Variants in TCF3 observed in about 807,000 individuals in gnomAD.
TCF3 encodes the protein transcription factor E2-alpha.
In TCF3, 54 loss-of-function variants were observed where a neutral mutation model predicts 72.3. That is an observed-to-expected ratio of 0.75 (90% CI 0.60 to 0.94). The LOEUF (loss-of-function observed/expected upper bound fraction) is 0.94, where lower values mean the gene tolerates loss of function less well. Ranked by LOEUF, TCF3 falls within the 40% of genes least tolerant of loss-of-function variation. The probability of loss-of-function intolerance (pLI) is 0.00; values close to 1 mark genes in which losing one functional copy is unlikely to be tolerated. For synonymous variants in TCF3, 525 were observed against 412.6 expected (o/e 1.27, Z -3.30); for missense variants, 1,078 against 934.4 (o/e 1.15, Z -2.00).
At chr19:1,645,077 T>TG (rs2065886239) in intron 3 of TCF3, among the ~76,000 whole-genome samples, 1 of 151,960 alleles carries the variant, frequency 6.6e-6, no homozygotes, top group African/African-American at 2.4e-5. Context: ...TGTGAGGCAG[T>TG]GGGGGCAGCA....
Position 1,622,187 on chromosome 19 carries a change from G to C in TCF3, c.689C>G (p.Pro230Arg), listed in dbSNP as rs1209615949. ...GGGCCCGAAGCCCGCCTGGCCCGGG[G>C]GACTCCAGAGCTCGGCTGAGGGGTG... Reference protein sequence around the residue: ...SLHPSAELWSPPGQAGFGPML... With the variant: ...SLHPSAELWSRPGQAGFGPML... Residue 230 changes from proline (P) to arginine (R), a missense_variant, in exon 10 of 19, where the codon CCC (proline) becomes CGC (arginine). Pro to Arg is a moderately radical substitution (Grantham distance 103, BLOSUM62 -2). Transcript: ENST00000262965. 13 of 1,566,762 alleles carry C rather than the reference G, an allele frequency of 8.3e-6. No homozygotes were observed. The highest frequency in any genetic ancestry group is 1.1e-5 in the Non-Finnish European group (13 of 1,158,572).
Position 1,614,475 on chromosome 19 carries a change from G to A in TCF3, c.1822+810C>T, listed in dbSNP as rs1399612797. 6.6e-6 allele frequency among the ~76,000 whole-genome samples: 1 copy of A among 152,212 alleles called. No homozygotes were observed. Among genetic ancestry groups the A allele is most frequent in the African/African-American group, 2.4e-5 (1 of 41,454 alleles). On this transcript the variant is annotated intron_variant, in intron 18 of 18. Coordinates refer to ENST00000262965, the MANE Select transcript of TCF3 (RefSeq NM_003200.5). This position sits in a 1 kb window ranked among gnomAD's most constrained non-coding sequence, Gnocchi z 5.6. ...GGACGGACGGGCGGGATGGAGGGGA[G>A]GGCGGAAGGCAGACAGCAGAGAGGC...
chr19:1,615,194 T>C lies in TCF3; in HGVS notation c.1822+91A>G. 6.9e-7 allele frequency: 1 copy of C among 1,455,050 alleles called. No individual in the cohort carries two copies. The highest frequency in any genetic ancestry group is 9.1e-7 in the Non-Finnish European group (1 of 1,097,394). The allele number at this position is 1,455,050 out of a possible 1,614,324, so 90.1% of individuals were successfully genotyped here. On this transcript the variant is annotated intron_variant, in intron 18 of 18. Transcript: ENST00000262965. This position sits in a 1 kb window ranked among gnomAD's most constrained non-coding sequence, Gnocchi z 7.3. ...CAACTGCTGCAGAGGGAGGGCTGGC[T>C]CCAGGAAGGCGGGCGGGGAAGGAGA...
chr19:1,650,683 C>T (rs2066882463), intron 1 of TCF3: 1 of 237,722 alleles, frequency 4.2e-6, no homozygotes, highest in African/African-American at 2.2e-5. Context: ...AGGCCCCCTA[C>T]CCCCGGGAAA....
At position 1,652,559 on chromosome 19, in the gene TCF3, C is replaced by A. The variant is rs1039321314; in HGVS notation, c.-299G>T. ...GCCCGCCGCCGCGTCGGCTCCGGCC[C>A]GCTACGCCCGCAGCCGCCGCCGCTG... is the stretch of plus-strand genomic sequence containing the variant. On this transcript the variant is annotated 5_prime_UTR_variant, in exon 1 of 19. Coordinates refer to ENST00000262965, the MANE Select transcript of TCF3 (RefSeq NM_003200.5). 1 of 146,112 alleles carries A rather than the reference C, an allele frequency of 6.8e-6. No individual in the cohort carries two copies. The highest frequency in any genetic ancestry group is 2.0e-4 in the South Asian group (1 of 4,966). The allele number at this position is 146,112 out of a possible 1,614,324, so 9.1% of individuals were successfully genotyped here.
chr19:1,617,423 A>G (rs1385235443), intron 16 of TCF3, among the ~76,000 whole-genome samples: 3 of 152,384 alleles, frequency 2.0e-5, no homozygotes, highest in Admixed American at 6.5e-5. Flanking sequence ...CTCAAGAACA[A>G]TAATTGCAAA....
At position 1,612,564 on chromosome 19, in the gene TCF3, G is replaced by A. The variant is rs1015196172; in HGVS notation, c.1823-715C>T. On this transcript the variant is annotated intron_variant, in intron 18 of 18. Transcript: ENST00000262965. ...TGGGCAGCAGTGTGGGTACACGGCT[G>A]GTGTTGGTGGGCACAGCAGTGTGGG... The A allele has an allele frequency of 9.5e-6, 8 of 838,804 alleles. No individual in the cohort carries two copies. The African/African-American group carries it at 1.0e-4, about 11-fold the overall frequency. 52.0% of individuals were successfully genotyped at this position (838,804 alleles called of 1,614,324 possible). A position where few individuals can be genotyped will look rare whatever the true frequency, so the allele number is the denominator to read the frequency against.
intron 3 of TCF3, among the ~76,000 whole-genome samples, chr19:1,640,858 TA>T (rs2145351121): frequency 6.7e-6 from 1 of 148,948 alleles, no homozygotes; most frequent in South Asian, 2.1e-4. Flanking sequence ...GTTAAAAAGT[TA>T]ATGAGGCGGC....
chr19:1,610,940 C>T lies in TCF3; in HGVS notation c.*767G>A, dbSNP rs949341600. On this transcript the variant is annotated 3_prime_UTR_variant, in exon 19 of 19. Transcript: ENST00000262965. ...AGTGGCTTCCGGGGGGGGGGGGGGA[C>T]GGGGGGGCTCAGGTTTACACGGGGT... 7 of 46,542 alleles carry T rather than the reference C, an allele frequency of 1.5e-4. No homozygotes were observed. Among genetic ancestry groups the T allele is most frequent in the Admixed American group, 3.1e-4 (1 of 3,226 alleles). The allele number at this position is 46,542 out of a possible 1,614,324, so 2.9% of individuals were successfully genotyped here.
intron 3 of TCF3, among the ~76,000 whole-genome samples, chr19:1,642,407 A>G (rs1473762532): frequency 6.6e-6 from 1 of 152,210 alleles, no homozygotes. Context: ...CTGACGCAGC[A>G]CCACGGGTGG....
At chr19:1,648,813 G>T (rs1187451589) in intron 2 of TCF3, among the ~76,000 whole-genome samples, 2 of 103,584 alleles carry the variant, frequency 1.9e-5, no homozygotes, top group African/African-American at 7.2e-5. Flanking sequence ...GCTGCCACTG[G>T]GCATGGGGGG....
chr19:1,622,037 C>T lies in TCF3; in HGVS notation c.822+17G>A. The stretch of plus-strand genomic sequence containing the variant: ...GCCACCCTCCGCCCACCCCCTGCCC[C>T]CTGCCCTGGGTCCTACCATACGCTC... On this transcript the variant is annotated intron_variant, in intron 10 of 18. Transcript: ENST00000262965. 6.3e-7 allele frequency: 1 copy of T among 1,598,702 alleles called. No individual in the cohort carries two copies. The highest frequency in any genetic ancestry group is 8.5e-7 in the Non-Finnish European group (1 of 1,174,124).
chr19:1,648,710 GTTT>G (rs1265792136), intron 2 of TCF3, among the ~76,000 whole-genome samples: 1 of 151,088 alleles, frequency 6.6e-6, no homozygotes, highest in Non-Finnish European at 1.5e-5. Context: ...GGGGACTTTT[GTTT>G]TTGACAGACC....
chr19:1,612,689 T>C (rs994906189), intron 18 of TCF3, among the ~76,000 whole-genome samples: 1 of 131,810 alleles, frequency 7.6e-6, no homozygotes, highest in Admixed American at 7.4e-5. Flanking sequence ...CTGGTGTTGG[T>C]GTGGGCAGCA....
In TCF3 at chr19:1,649,970, G is replaced by A. The variant is rs148819147; in HGVS notation, c.72+207C>T. On this transcript the variant is annotated intron_variant, in intron 2 of 18. Transcript: ENST00000262965. ...CAGTAGGCTGTAGAATGCTGCGTCC[G>A]GGCAAAAGCCCCATAGCACACGTGC... is the stretch of plus-strand genomic sequence containing the variant. Among the ~76,000 whole-genome samples the A allele has an allele frequency of 3.6e-3, 544 of 152,284 alleles. 3 individuals carry two copies. The highest frequency in any genetic ancestry group is 0.012 in the African/African-American group (509 of 41,548).
chr19:1,614,024 C>T lies in TCF3; in HGVS notation c.1822+1261G>A, dbSNP rs1463281762. 1.3e-5 allele frequency among the ~76,000 whole-genome samples: 2 copies of T among 152,268 alleles called. No individual in the cohort carries two copies. Among genetic ancestry groups the T allele is most frequent in the African/African-American group, 4.8e-5 (2 of 41,476 alleles). On this transcript the variant is annotated intron_variant, in intron 18 of 18. Transcript: ENST00000262965. The surrounding 1 kb of genome is among the most constrained non-coding windows in gnomAD (Gnocchi z 5.6). Reference sequence around the variant, plus strand: ...CGGCCCAGGCCTCTGTGCTGCATGGCCCTGCATGGGTGACCTCGCTCTGTT... The same window carrying T: ...CGGCCCAGGCCTCTGTGCTGCATGGTCCTGCATGGGTGACCTCGCTCTGTT...
intron 3 of TCF3, among the ~76,000 whole-genome samples, chr19:1,641,064 C>A (rs1031022773): frequency 1.4e-5 from 2 of 147,880 alleles, no homozygotes; most frequent in African/African-American, 5.0e-5. Context: ...GCAGGAGAAT[C>A]GTTTGAACTC....
chr19:1,616,334 TGTG>T (rs2061543338), intron 16 of TCF3, among the ~76,000 whole-genome samples: 1 of 151,884 alleles, frequency 6.6e-6, no homozygotes, highest in South Asian at 2.1e-4. Flanking sequence ...ATTAGCCAGC[TGTG>T]GTGGTGGGTA....
Position 1,621,126 on chromosome 19 carries a change from G to A in TCF3, c.1014+7C>T, listed in dbSNP as rs1347818211. ...TGCCTGGCCACCCCCCATGCCCCAC[G>A]CCTCACCGAGGCCAGTGCTTTGCCG... On this transcript the variant is annotated splice_region_variant and intron_variant, in intron 12 of 18. Transcript: ENST00000262965. 1.1e-5 allele frequency: 17 copies of A among 1,538,302 alleles called. No individual in the cohort carries two copies. The Middle Eastern group carries it at 5.0e-4, about 45-fold the overall frequency.
Sources: allele counts gnomAD v4.1 joint callset (sites outside exome capture counted in the v4.1 genomes callset), GRCh38; gene constraint gnomAD v4.1.1; non-coding constraint Gnocchi (gnomAD v3.1); transcripts MANE v1.5; gene names NCBI Gene and HGNC (gene_info 2026-07-23, HGNC 2026-07-21).